Variants in EYS observed in about 807,000 individuals in gnomAD.
The protein encoded by EYS is EGF-like photoreceptor maintenance factor.
EYS carries 250 observed loss-of-function variants against 282.1 expected under a neutral mutation model. That is an observed-to-expected ratio of 0.89 (90% CI 0.80 to 0.98). EYS has a LOEUF of 0.98. Ranked by LOEUF, EYS falls within the 50% of genes least tolerant of loss-of-function variation. EYS has a pLI of 0.00. For synonymous variants in EYS, 1,355 were observed against 1,282.9 expected (o/e 1.06, Z -1.20); for missense variants, 4,016 against 3,709.0 (o/e 1.08, Z -2.15).
chr6:65,349,344 C>A (rs1236270248), intron 9 of EYS, among the ~76,000 whole-genome samples: 1 of 151,376 alleles, frequency 6.6e-6, no homozygotes, highest in Non-Finnish European at 1.5e-5. Flanking sequence ...GTCTTTTATT[C>A]CATGTGAACA....
chr6:64,576,975 T>C (rs975581089), intron 26 of EYS, among the ~76,000 whole-genome samples: 2 of 152,056 alleles, frequency 1.3e-5, no homozygotes, highest in Non-Finnish European at 2.9e-5. Context: ...CTGGTGTTCT[T>C]CTAAAAAGGT....
chr6:63,968,695 C>T (rs1263247135), intron 35 of EYS, among the ~76,000 whole-genome samples: 1 of 152,172 alleles, frequency 6.6e-6, no homozygotes, highest in Non-Finnish European at 1.5e-5. Flanking sequence ...AAAGACTCTC[C>T]TGCCAGATGA....
chr6:63,783,574 C>G (rs1770290173), intron 39 of EYS, among the ~76,000 whole-genome samples: 1 of 152,116 alleles, frequency 6.6e-6, no homozygotes, highest in African/African-American at 2.4e-5. Context: ...CATACATTCT[C>G]TAGGTATATA....
intron 33 of EYS, among the ~76,000 whole-genome samples, chr6:64,014,319 T>C (rs1229843328): frequency 6.6e-6 from 1 of 152,086 alleles, no homozygotes; most frequent in Non-Finnish European, 1.5e-5. Flanking sequence ...CAAAGATATG[T>C]TACAGTGAGG....
At chr6:63,953,169 C>A (rs759165433) in intron 35 of EYS, among the ~76,000 whole-genome samples, 3 of 152,138 alleles carry the variant, frequency 2.0e-5, no homozygotes, top group Non-Finnish European at 2.9e-5. Context: ...CTCATCCCAG[C>A]CTGTTTTTGC....
chr6:64,284,533 C>G (rs955355355), intron 30 of EYS, among the ~76,000 whole-genome samples: 1 of 152,038 alleles, frequency 6.6e-6, no homozygotes, highest in African/African-American at 2.4e-5. Context: ...AGGATGACGG[C>G]CCTCTTTCCA....
At chr6:65,684,571 G>A (rs144923381) in intron 1 of EYS, among the ~76,000 whole-genome samples, 38 of 152,106 alleles carry the variant, frequency 2.5e-4, no homozygotes, top group Middle Eastern at 3.4e-3. Context: ...TAGAGAATTT[G>A]GTAATATACA....
chr6:65,271,383 T>C (rs6455031), intron 12 of EYS, among the ~76,000 whole-genome samples: 147,972 of 151,250 alleles, frequency 0.98, 72,460 homozygotes, highest in South Asian at 1. Flanking sequence ...CAAATTCAAC[T>C]TTCCTCCAAC....
At chr6:64,314,648 A>C (rs1411556878) in intron 29 of EYS, among the ~76,000 whole-genome samples, 2 of 152,156 alleles carry the variant, frequency 1.3e-5, no homozygotes, top group Non-Finnish European at 2.9e-5. Context: ...CTGCACAACT[A>C]AAGGAAACTG....
intron 5 of EYS, among the ~76,000 whole-genome samples, chr6:65,407,107 C>T (rs1766779524): frequency 6.6e-6 from 1 of 152,084 alleles, no homozygotes; most frequent in African/African-American, 2.4e-5. Flanking sequence ...CAATGTATCT[C>T]CATTTCTTTG....
At chr6:65,476,055 C>T (rs1765392730) in intron 5 of EYS, among the ~76,000 whole-genome samples, 1 of 151,856 alleles carries the variant, frequency 6.6e-6, no homozygotes. Flanking sequence ...ATGAGGATTA[C>T]TCTCTTATTA....
intron 14 of EYS, among the ~76,000 whole-genome samples, chr6:64,957,579 AG>A (rs1277838210): frequency 1.3e-5 from 2 of 152,202 alleles, no homozygotes; most frequent in Non-Finnish European, 2.9e-5. Context: ...TAACTAAAAT[AG>A]TGTAATTTGA....
chr6:64,211,558 T>C (rs1296088638), intron 31 of EYS, among the ~76,000 whole-genome samples: 1 of 146,866 alleles, frequency 6.8e-6, no homozygotes, highest in Non-Finnish European at 1.5e-5. Context: ...ATTAATCTAA[T>C]TCATATATAT....
intron 1 of EYS, among the ~76,000 whole-genome samples, chr6:65,670,715 C>A (rs900170691): frequency 6.6e-6 from 1 of 152,018 alleles, no homozygotes; most frequent in Non-Finnish European, 1.5e-5. Flanking sequence ...GAACTAATTT[C>A]TCTTCTTTTC....
chr6:64,564,586 T>A (rs1057366619), intron 26 of EYS, among the ~76,000 whole-genome samples: 13 of 152,024 alleles, frequency 8.6e-5, no homozygotes, highest in African/African-American at 2.4e-4. Flanking sequence ...CAGCCTTTTT[T>A]AAATCATACT....
intron 22 of EYS, among the ~76,000 whole-genome samples, chr6:64,674,903 T>C (rs932603858): frequency 3.9e-5 from 6 of 152,164 alleles, no homozygotes; most frequent in Non-Finnish European, 7.4e-5. Flanking sequence ...TGCCAAACTT[T>C]CTTTTTCCAT....
At chr6:65,454,851 T>C (rs1764542352) in intron 5 of EYS, among the ~76,000 whole-genome samples, 1 of 152,132 alleles carries the variant, frequency 6.6e-6, no homozygotes, top group Non-Finnish European at 1.5e-5. Flanking sequence ...CCTATTGTGT[T>C]CCATTGATTC....
In EYS at chr6:64,965,607, C is replaced by T. The variant is rs184816570; in HGVS notation, c.2260-19693G>A. On this transcript the variant is annotated intron_variant, in intron 14 of 42. Transcript: ENST00000503581. The stretch of plus-strand genomic sequence containing the variant: ...AGGGAAATTTTCTAACTCATGAGTA[C>T]CCCCATGAGTTTTATACTTTTTATA... Among the ~76,000 whole-genome samples, 530 of 151,976 alleles carry T rather than the reference C, an allele frequency of 3.5e-3. 3 individuals carry two copies. Among genetic ancestry groups the T allele is most frequent in the Non-Finnish European group, 5.9e-3 (398 of 67,942 alleles).
intron 23 of EYS, among the ~76,000 whole-genome samples, chr6:64,624,382 C>A (rs1767536421): frequency 6.6e-6 from 1 of 152,072 alleles, no homozygotes; most frequent in Non-Finnish European, 1.5e-5. Context: ...TTTTACTTAA[C>A]TGTTTCTGTA....
Sources: gnomAD v4.1 joint callset for allele counts (sites outside exome capture counted in the v4.1 genomes callset) on GRCh38, gnomAD v4.1.1 for gene constraint, MANE v1.5 for transcripts, NCBI Gene and HGNC (gene_info 2026-07-23, HGNC 2026-07-21) for gene names.